TTLL10: variants seen among roughly 807,000 people sequenced by gnomAD.
The protein encoded by TTLL10 is tubulin tyrosine ligase like 10.
TTLL10 carries 61 observed loss-of-function variants against 69.0 expected under a neutral mutation model. The ratio of observed to expected loss-of-function variants is 0.88; its 90% CI spans 0.72 to 1.09. TTLL10 has a LOEUF of 1.09. Among genes scored for constraint, TTLL10 ranks in the 50% least tolerant of loss-of-function variants. The pLI is 0.00. For missense variants in TTLL10, 962 were observed against 945.9 expected, an observed-to-expected ratio of 1.02 and a Z score of -0.22; for synonymous variants, 408 against 393.3, an observed-to-expected ratio of 1.04 and a Z score of -0.44.
chr1:1,186,286 G>A (rs1042952717), intron 13 of TTLL10, among the ~76,000 whole-genome samples: 3 of 151,948 alleles, frequency 2.0e-5, no homozygotes, highest in African/African-American at 7.3e-5. Flanking sequence ...ATGGGGTTTT[G>A]CCGTGTTGGC....
intron 13 of TTLL10, among the ~76,000 whole-genome samples, chr1:1,193,316 C>T (rs965944049): frequency 1.3e-5 from 2 of 152,112 alleles, no homozygotes; most frequent in African/African-American, 4.8e-5. Flanking sequence ...CAGAGCGAGA[C>T]TCCGTCTCAA....
chr1:1,196,427 G>A, intron 13 of TTLL10, 173 bp from the exon 14 acceptor site: 1 of 608,880 alleles, frequency 1.6e-6, no homozygotes, highest in Admixed American at 2.4e-5. Flanking sequence ...TGTTGAGTGA[G>A]TTTCTGGCTG....
intron 13 of TTLL10, among the ~76,000 whole-genome samples, chr1:1,194,409 G>C (rs12060374): frequency 0.1 from 15,171 of 152,150 alleles, 860 homozygotes; most frequent in East Asian, 0.15. Flanking sequence ...CATGTATGCT[G>C]TCTCTTATAT....
At position 1,184,095 on chromosome 1, in the gene TTLL10, A is replaced by T; in HGVS notation, c.1260+4A>T. On this transcript the variant is annotated splice_donor_region_variant and intron_variant, in intron 12 of 15. Transcript: ENST00000379289. Reference sequence around the variant, plus strand: ...CGGCGGCCACTTGACCAACCAGGTGAGTCTGCCATGGGTGAGGGCCCTCCC... The same window carrying T: ...CGGCGGCCACTTGACCAACCAGGTGTGTCTGCCATGGGTGAGGGCCCTCCC... 2 of 1,614,132 alleles carry T rather than the reference A, an allele frequency of 1.2e-6. No homozygotes were observed. The highest frequency in any genetic ancestry group is 1.7e-6 in the Non-Finnish European group (2 of 1,179,994).
At chr1:1,180,459 C>A in intron 6 of TTLL10, 24 bp from the exon 7 acceptor site, 1 of 1,150,398 alleles carries the variant, frequency 8.7e-7, no homozygotes, top group Non-Finnish European at 1.3e-6. Context: ...GCCCCCAGGT[C>A]ACCCCCGCCC....
At chr1:1,176,830 C>A (rs1646884168) in intron 3 of TTLL10, among the ~76,000 whole-genome samples, 1 of 152,248 alleles carries the variant, frequency 6.6e-6, no homozygotes, top group African/African-American at 2.4e-5. Flanking sequence ...TGACTTAAAT[C>A]CCAACCCCGG....
rs145901843 is a variant in TTLL10 at position 1,178,059 on chromosome 1, G to A, written c.-27-1130G>A. Among the ~76,000 whole-genome samples, 534 of 152,260 alleles carry A rather than the reference G, an allele frequency of 3.5e-3. 3 individuals are homozygous for A. Among genetic ancestry groups the A allele is most frequent in the African/African-American group, 0.011 (461 of 41,540 alleles). The stretch of plus-strand genomic sequence containing the variant: ...CCTTCCCCTGCCCGTGGGCTTCCTC[G>A]TTGTCTCCTTCCCTCCTGTCACTCA... On this transcript the variant is annotated intron_variant, in intron 3 of 15. Transcript: ENST00000379289.
chr1:1,196,354 C>T (rs1648206804), intron 13 of TTLL10: 3 of 503,196 alleles, frequency 6.0e-6, no homozygotes, highest in South Asian at 2.3e-5. Context: ...GCAGAGATTT[C>T]CTGTGAGTTT....
chr1:1,179,005 C>T (rs12724868), intron 3 of TTLL10, among the ~76,000 whole-genome samples, 184 bp from the exon 4 acceptor site: 6 of 152,212 alleles, frequency 3.9e-5, no homozygotes, highest in East Asian at 1.9e-4. Context: ...CGCCCCCACA[C>T]GGCGCCAGGC....
Position 1,185,048 on chromosome 1 carries a change from T to A in TTLL10, c.1340T>A (p.Ile447Asn), listed in dbSNP as rs1381315968. The change falls in exon 13 of 16, where the codon ATC becomes AAC. Residue 447 changes from isoleucine to asparagine, a missense_variant. Physicochemically the swap from Ile to Asn is moderately radical, Grantham distance 149. Coordinates refer to ENST00000379289, the MANE Select transcript of TTLL10 (RefSeq NM_001130045.2). This position sits in a 1 kb window ranked among gnomAD's most constrained non-coding sequence, Gnocchi z 6.1. ...VWSMEHLNRY[I>N]SDTFWKARGL... The stretch of plus-strand genomic sequence containing the variant: ...AGCATGGAACACCTCAACCGCTACA[T>A]CAGTGACACGTTCTGGAAGGCCCGG... The A allele has an allele frequency of 5.0e-6, 8 of 1,614,034 alleles. No homozygotes were observed. The highest frequency in any genetic ancestry group is 6.8e-6 in the Non-Finnish European group (8 of 1,180,004).
At chr1:1,180,460 A>AC in intron 6 of TTLL10, 23 bp from the exon 7 acceptor site, 1 of 1,107,364 alleles carries the variant, frequency 9.0e-7, no homozygotes, top group South Asian at 1.4e-5. Context: ...CCCCCAGGTC[A>AC]CCCCCGCCCC....
At chr1:1,187,000 C>T (rs1570430356) in intron 13 of TTLL10, among the ~76,000 whole-genome samples, 1 of 147,344 alleles carries the variant, frequency 6.8e-6, no homozygotes, top group South Asian at 2.3e-4. Context: ...GCGCCCGCCA[C>T]CACGCCCGGC....
chr1:1,179,169 G>A lies in TTLL10; in HGVS notation c.-27-20G>A. 1 of 1,468,864 alleles carries A rather than the reference G, an allele frequency of 6.8e-7. No homozygotes were observed. Among genetic ancestry groups the A allele is most frequent in the Non-Finnish European group, 9.1e-7 (1 of 1,095,948 alleles). 91.0% of individuals were successfully genotyped at this position (1,468,864 alleles called of 1,614,324 possible). On this transcript the variant is annotated intron_variant, in intron 3 of 15. Transcript: ENST00000379289. ...GCGCGGAGGTCCCACAGGAGGGTCA[G>A]AGCGGCATCTTCCCTTCAGGGCCCT...
At position 1,183,012 on chromosome 1, in the gene TTLL10, G is replaced by T. The variant is rs781004642; in HGVS notation, c.1053G>T (p.Thr351=). 5 of 1,609,386 alleles carry T rather than the reference G, an allele frequency of 3.1e-6. No individual in the cohort carries two copies. The highest frequency in any genetic ancestry group is 1.3e-5 in the African/African-American group (1 of 74,820). The stretch of plus-strand genomic sequence containing the variant: ...AGGACGACCCCATCCACCACAAGAC[G>T]CCGTTCCGGGGGCCTCAGGCGCGGG... The part of the protein sequence containing the change: ...SMEDDPIHHK[T]PFRGPQARVV... The change falls in exon 11 of 16, where the codon ACG becomes ACT. Residue 351 remains threonine, a synonymous_variant. Coordinates refer to ENST00000379289, the MANE Select transcript of TTLL10 (RefSeq NM_001130045.2).
Position 1,197,777 on chromosome 1 carries a change from AC to A in TTLL10, c.1955del (p.Pro652ArgfsTer?). 6.5e-7 allele frequency: 1 copy of A among 1,532,840 alleles called. No individual in the cohort carries two copies. The highest frequency in any genetic ancestry group is 2.0e-4 in the Middle Eastern group (1 of 5,008). 95.0% of individuals were successfully genotyped at this position (1,532,840 alleles called of 1,614,324 possible). On this transcript the variant is annotated frameshift_variant, in exon 16 of 16. Coordinates refer to ENST00000379289, the MANE Select transcript of TTLL10 (RefSeq NM_001130045.2). LOFTEE classifies it high-confidence loss of function. Reference protein sequence around the residue: ...GTEQSGTGNRHPAQEPSPGTA... With the variant: ...GTEQSGTGNRXPAQEPSPGTA... The stretch of plus-strand genomic sequence containing the variant: ...GAGCAGTCGGGCACAGGCAACAGGC[AC>A]CCGGCGCAAGAGCCTTCCCCGGGGA...
rs745955451 is a variant in TTLL10 at position 1,197,506 on chromosome 1, C to T, written c.1681C>T (p.Arg561Cys). ...QKMLPLLSQR[R>C]FVLLHNGEAD... ...GATGTTGCCTCTGCTGTCCCAGCGC[C>T]GCTTCGTGCTCCTGCACAACGGTGA... Residue 561 changes from arginine to cysteine, a missense_variant, in exon 16 of 16, where the codon CGC (arginine) becomes TGC (cysteine). Physicochemically the swap from Arg to Cys is radical, Grantham distance 180. Coordinates refer to ENST00000379289, the MANE Select transcript of TTLL10 (RefSeq NM_001130045.2). 35 of 1,542,652 alleles carry T rather than the reference C, an allele frequency of 2.3e-5. No individual in the cohort carries two copies. The highest frequency in any genetic ancestry group is 1.7e-4 in the Middle Eastern group (1 of 5,942).
At position 1,185,255 on chromosome 1, in the gene TTLL10, T is replaced by C; in HGVS notation, c.1401+146T>C. ...ACCTGACCGTGTGGAACCAAACCCTTCCAGCGTCTCTGCTCACTTAGCTGG... is the reference window on the plus strand; with the variant it reads ...ACCTGACCGTGTGGAACCAAACCCTCCCAGCGTCTCTGCTCACTTAGCTGG... On this transcript the variant is annotated intron_variant, in intron 13 of 15. Transcript: ENST00000379289. The surrounding 1 kb of genome is among the most constrained non-coding windows in gnomAD (Gnocchi z 6.1). 1 of 1,438,830 alleles carries C rather than the reference T, an allele frequency of 7.0e-7. No homozygotes were observed. The highest frequency in any genetic ancestry group is 9.1e-7 in the Non-Finnish European group (1 of 1,096,984). 89.1% of individuals were successfully genotyped at this position (1,438,830 alleles called of 1,614,324 possible). A position where few individuals can be genotyped will look rare whatever the true frequency, so the allele number is the denominator to read the frequency against.
Position 1,197,603 on chromosome 1 carries a change from C to A in TTLL10, c.1778C>A (p.Ala593Asp). The A allele has an allele frequency of 6.6e-7, 1 of 1,514,080 alleles. No homozygotes were observed. The highest frequency in any genetic ancestry group is 1.2e-5 in the South Asian group (1 of 81,572). The allele number at this position is 1,514,080 out of a possible 1,614,324, so 93.8% of individuals were successfully genotyped here. The change falls in exon 16 of 16, where the codon GCC becomes GAC. Residue 593 changes from alanine (A) to aspartate (D), a missense_variant. By Grantham distance (126) the Ala-to-Asp change is moderately radical. Coordinates refer to ENST00000379289, the MANE Select transcript of TTLL10 (RefSeq NM_001130045.2). ...TGGCCGCCCCTGCCCACCCGCCAGG[C>A]CAAGTCCTCCGGGCCACCCATGCCG... is the stretch of plus-strand genomic sequence containing the variant. ...RRWPPLPTRQ[A>D]KSSGPPMPHA... is the part of the protein sequence containing the mutation.
Position 1,180,548 on chromosome 1 carries a change from C to T in TTLL10, c.572C>T (p.Thr191Met), listed in dbSNP as rs775102650. The change falls in exon 7 of 16, where the codon ACG becomes ATG. Residue 191 changes from threonine to methionine, a missense_variant. By Grantham distance (81) the Thr-to-Met change is moderately conservative. Coordinates refer to ENST00000379289, the MANE Select transcript of TTLL10 (RefSeq NM_001130045.2). ...CATGACAGCCGCCGGGACGACTACA[C>T]GCTGAAGTGGTGTGAGGTCAAGAGC... is the stretch of plus-strand genomic sequence containing the variant. The part of the protein sequence containing the change: ...RIHDSRRDDY[T>M]LKWCEVKSRD... The T allele has an allele frequency of 2.2e-4, 347 of 1,552,596 alleles. No homozygotes were observed. The highest frequency in any genetic ancestry group is 3.0e-4 in the Non-Finnish European group (342 of 1,147,794).
Sources: gnomAD v4.1 joint callset for allele counts (sites outside exome capture counted in the v4.1 genomes callset) on GRCh38, gnomAD v4.1.1 for gene constraint, Gnocchi (gnomAD v3.1) non-coding constraint, MANE v1.5 for transcripts, NCBI Gene and HGNC (gene_info 2026-07-23, HGNC 2026-07-21) for gene names.